HEATR4: variants seen among roughly 807,000 people sequenced by gnomAD.
HEATR4 encodes HEAT repeat-containing protein 4.
A neutral mutation model predicts 108.8 loss-of-function variants in HEATR4; 95 were observed. The ratio of observed to expected loss-of-function variants is 0.87; its 90% CI spans 0.74 to 1.04. The LOEUF (loss-of-function observed/expected upper bound fraction) is 1.04. HEATR4 is among the 50% of genes least tolerant of loss of function. The pLI, the probability that HEATR4 is intolerant of heterozygous loss-of-function variation, is 0.00. For missense variants in HEATR4, 1,152 were observed against 1,253.8 expected (o/e 0.92, Z 1.23); for synonymous variants, 443 against 459.4 (o/e 0.96, Z 0.46).
intron 12 of HEATR4, 41 bp from the exon 13 acceptor site, chr14:73,499,181 C>T: frequency 6.4e-7 from 1 of 1,566,458 alleles, no homozygotes; most frequent in Non-Finnish European, 8.8e-7. Context: ...AGGACCAGAG[C>T]AAGAATGAAC....
Position 73,492,029 on chromosome 14 carries a change from G to GC in HEATR4, c.2844+1036dup, listed in dbSNP as rs1275295829. 1.9e-6 allele frequency: 3 copies of GC among 1,613,942 alleles called. No homozygotes were observed. The highest frequency in any genetic ancestry group is 1.7e-6 in the Non-Finnish European group (2 of 1,179,890). On this transcript the variant is annotated intron_variant, in intron 17 of 17. Transcript: ENST00000553558. The surrounding 1 kb of genome is among the most constrained non-coding windows in gnomAD (Gnocchi z 4.9). ...CACGCCCCCTAACTCGCAGGGCTTT[G>GC]CCCCCCACTACGACGACATCGAGGC...
rs1463979494 is a variant in HEATR4, at chr14:73,529,375, AAATT to A, written c.-73+787_-73+790del. 4.3e-4 allele frequency among the ~76,000 whole-genome samples: 65 copies of A among 150,374 alleles called. 1 individual carries two copies. The highest frequency in any genetic ancestry group is 3.4e-3 in the Admixed American group (50 of 14,860). On this transcript the variant is annotated intron_variant, in intron 2 of 17. Coordinates refer to ENST00000553558, the MANE Select transcript of HEATR4 (RefSeq NM_001220484.1). Reference sequence around the variant, plus strand: ...GTCTCAAAAAAAAAAAAAAAAAAAAAAATTAAGTCAATCCTGGCATAACTGCAGA... The same window carrying A: ...GTCTCAAAAAAAAAAAAAAAAAAAAAAAGTCAATCCTGGCATAACTGCAGA...
At chr14:73,565,622 A>G in the HEATR4 span, among the ~76,000 whole-genome samples, 123,509 of 151,728 alleles carry the variant, frequency 0.81, 51,057 homozygotes, top group African/African-American at 0.95. Context: ...TGGTGGGTTC[A>G]TGGTCTCGCT....
Position 73,520,701 on chromosome 14 carries a change from T to G in HEATR4, c.1069+151A>C, listed in dbSNP as rs1425651219. The G allele has an allele frequency of 4.4e-6, 3 of 682,204 alleles. No homozygotes were observed. The Admixed American group carries it at 7.7e-5, about 18-fold the overall frequency. 42.3% of individuals were successfully genotyped at this position (682,204 alleles called of 1,614,324 possible). The stretch of plus-strand genomic sequence containing the variant: ...TTATCACTCCCCGACCCAACTCCTG[T>G]GCTAGTGTGGGTGCTGGGTCATGAA... On this transcript the variant is annotated intron_variant, in intron 4 of 17. Transcript: ENST00000553558.
chr14:73,596,300 G>C, the HEATR4 span: 1 of 152,106 alleles, frequency 6.6e-6, no homozygotes, highest in South Asian at 2.1e-4. Context: ...TTGAGCTCAG[G>C]ATTTCATGAC....
At chr14:73,590,274 A>C in the HEATR4 span, among the ~76,000 whole-genome samples, 1 of 152,160 alleles carries the variant, frequency 6.6e-6, no homozygotes, top group African/African-American at 2.4e-5. Flanking sequence ...TCCCCACTAG[A>C]TTAGCTAGAT....
At chr14:73,508,392 T>C in intron 8 of HEATR4, 98 bp from the exon 9 acceptor site, 1 of 950,048 alleles carries the variant, frequency 1.1e-6, no homozygotes, top group Non-Finnish European at 1.6e-6. Context: ...CCCCACCTGA[T>C]ATCTCACTTC....
At chr14:73,491,994 A>C (rs371480600) in intron 17 of HEATR4, 10 of 1,613,774 alleles carry the variant, frequency 6.2e-6, no homozygotes, top group Non-Finnish European at 7.6e-6. Context: ...GCAGGCTCCA[A>C]CGTTTACCTC....
intron 1 of HEATR4, among the ~76,000 whole-genome samples, chr14:73,553,913 G>A (rs187458267): frequency 3.5e-5 from 4 of 115,528 alleles, no homozygotes; most frequent in African/African-American, 1.1e-4. Flanking sequence ...AGTGTTACCT[G>A]GCCTTCTGAG....
the HEATR4 span, among the ~76,000 whole-genome samples, chr14:73,579,799 G>A: frequency 1.3e-5 from 2 of 151,852 alleles, no homozygotes; most frequent in African/African-American, 2.4e-5. Context: ...CATATTTAAA[G>A]TGTATAACAT....
chr14:73,481,584 TAATCCC>T (rs1885259185), intron 17 of HEATR4, among the ~76,000 whole-genome samples: 1 of 151,852 alleles, frequency 6.6e-6, no homozygotes, highest in Admixed American at 6.6e-5. Flanking sequence ...CTCATGCCTG[TAATCCC>T]AAGCACTTTG....
At chr14:73,562,349 G>C (rs536636113), upstream of HEATR4, among the ~76,000 whole-genome samples, 1 of 151,932 alleles carries the variant, frequency 6.6e-6, no homozygotes, top group African/African-American at 2.4e-5. Flanking sequence ...TGTTATGTTC[G>C]TAAGCTGAGG....
At chr14:73,507,268 A>C (rs946340470) in intron 9 of HEATR4, among the ~76,000 whole-genome samples, 1 of 152,208 alleles carries the variant, frequency 6.6e-6, no homozygotes, top group Admixed American at 6.5e-5. Context: ...CTTCTTGCAT[A>C]TGCAAATAGA....
At chr14:73,483,677 G>C (rs1043221057) in intron 17 of HEATR4, among the ~76,000 whole-genome samples, 1 of 151,974 alleles carries the variant, frequency 6.6e-6, no homozygotes, top group East Asian at 1.9e-4. Flanking sequence ...TTAAAGAAGA[G>C]CTTACATATT....
the HEATR4 span, chr14:73,595,062 G>A: frequency 2.5e-6 from 4 of 1,613,614 alleles, no homozygotes; most frequent in East Asian, 8.9e-5. Flanking sequence ...AAAGGCCCAG[G>A]CATTGGGCTT....
intron 4 of HEATR4, 109 bp from the exon 5 acceptor site, chr14:73,519,272 G>T (rs1887824990): frequency 1.8e-6 from 2 of 1,126,142 alleles, no homozygotes; most frequent in Non-Finnish European, 2.5e-6. Context: ...CCTAATCTAA[G>T]CCCCTAGGAT....
At chr14:73,491,784 T>C in intron 17 of HEATR4, 1 of 1,579,908 alleles carries the variant, frequency 6.3e-7, no homozygotes, top group Non-Finnish European at 8.6e-7. Context: ...AACGAGGAGG[T>C]GCAGTTCGGC....
At chr14:73,612,870 C>A in the HEATR4 span, 2 of 1,398,922 alleles carry the variant, frequency 1.4e-6, no homozygotes, top group Non-Finnish European at 1.9e-6. Flanking sequence ...GACGTGCGGA[C>A]GCCCTTCGCC....
At chr14:73,479,501 C>T (rs1382970653) in intron 17 of HEATR4, among the ~76,000 whole-genome samples, 1 of 143,624 alleles carries the variant, frequency 7.0e-6, no homozygotes, top group Non-Finnish European at 1.5e-5. Context: ...TGCAATGGTG[C>T]GATCTCGGCT....
Sources: gnomAD v4.1 joint callset for allele counts (sites outside exome capture counted in the v4.1 genomes callset) on GRCh38, gnomAD v4.1.1 for gene constraint, Gnocchi (gnomAD v3.1) non-coding constraint, MANE v1.5 for transcripts, NCBI Gene and HGNC (gene_info 2026-07-23, HGNC 2026-07-21) for gene names.